SCML4: variants seen among roughly 807,000 people sequenced by gnomAD.
The protein encoded by SCML4 is Scm polycomb group protein like 4.
In SCML4, 34 loss-of-function variants were observed where a neutral mutation model predicts 41.1. The ratio of observed to expected loss-of-function variants is 0.83; its 90% confidence interval spans 0.63 to 1.10. SCML4 has a LOEUF of 1.10. Ranked by LOEUF, SCML4 falls within the 50% of genes least tolerant of loss-of-function variation. SCML4 has a pLI of 0.00. For synonymous variants in SCML4, 214 were observed against 220.9 expected (o/e 0.97, Z 0.28); for missense variants, 522 against 534.1 (o/e 0.98, Z 0.22).
At chr6:107,837,262 G>A in the SCML4 span, among the ~76,000 whole-genome samples, 5 of 152,182 alleles carry the variant, frequency 3.3e-5, no homozygotes, top group African/African-American at 1.2e-4. Context: ...GGTGTTCCAA[G>A]AACATCTTCC....
intron 1 of SCML4, among the ~76,000 whole-genome samples, chr6:107,811,298 CACT>C (rs1402157898): frequency 6.6e-6 from 1 of 152,212 alleles, no homozygotes; most frequent in Non-Finnish European, 1.5e-5. Flanking sequence ...GCCAGATCAC[CACT>C]GTTTCCATCC....
intron 1 of SCML4, among the ~76,000 whole-genome samples, chr6:107,780,038 G>A (rs1318509187): frequency 6.6e-6 from 1 of 152,140 alleles, no homozygotes; most frequent in Non-Finnish European, 1.5e-5. Flanking sequence ...ATGTCACTCT[G>A]CTCCTTACAG....
intron 7 of SCML4, 28 bp downstream of exon 7, chr6:107,707,838 C>A (rs538755361): frequency 1.8e-5 from 28 of 1,551,626 alleles, no homozygotes; most frequent in Non-Finnish European, 1.7e-5. Context: ...CTCAATCCCC[C>A]CCAAGGTCAA....
intron 1 of SCML4, among the ~76,000 whole-genome samples, chr6:107,819,489 C>T (rs1196949535): frequency 6.6e-6 from 1 of 152,150 alleles, no homozygotes; most frequent in Non-Finnish European, 1.5e-5. Context: ...CTAATTTTCT[C>T]ATAACAGCCT....
chr6:107,786,873 A>G (rs1252655409), intron 1 of SCML4, among the ~76,000 whole-genome samples: 5 of 152,246 alleles, frequency 3.3e-5, no homozygotes. Flanking sequence ...AGAGCATCCC[A>G]TGCTGCCAAG....
chr6:107,813,444 A>G (rs1784353558), intron 1 of SCML4, among the ~76,000 whole-genome samples: 1 of 141,334 alleles, frequency 7.1e-6, no homozygotes, highest in East Asian at 2.1e-4. Flanking sequence ...AATTAAATAC[A>G]TATTAAAATA....
At chr6:107,766,386 A>G (rs1391945117) in intron 2 of SCML4, among the ~76,000 whole-genome samples, 2 of 145,886 alleles carry the variant, frequency 1.4e-5, no homozygotes, top group African/African-American at 5.2e-5. Flanking sequence ...AAAAAAAAAA[A>G]GGGTTCAAGG....
chr6:107,730,690 C>T (rs1477945030), intron 5 of SCML4, among the ~76,000 whole-genome samples: 2 of 152,216 alleles, frequency 1.3e-5, no homozygotes, highest in Admixed American at 6.5e-5. Flanking sequence ...CAAGGTTTGG[C>T]GTCCTGGGAG....
At chr6:107,759,146 A>C (rs1192476973) in intron 2 of SCML4, among the ~76,000 whole-genome samples, 2 of 150,914 alleles carry the variant, frequency 1.3e-5, no homozygotes, top group East Asian at 1.9e-4. Context: ...AAAAAAAAAA[A>C]AAAAAAAACC....
intron 2 of SCML4, among the ~76,000 whole-genome samples, chr6:107,768,097 C>G (rs898552882): frequency 6.6e-5 from 3 of 45,660 alleles, no homozygotes; most frequent in Non-Finnish European, 9.4e-5. Context: ...TTCATCTGTA[C>G]AAAAAAAAAA....
At chr6:107,839,028 A>G in the SCML4 span, among the ~76,000 whole-genome samples, 1 of 152,144 alleles carries the variant, frequency 6.6e-6, no homozygotes, top group Non-Finnish European at 1.5e-5. Flanking sequence ...AGCCAGGTGC[A>G]GTGGCTCATG....
At chr6:107,772,466 G>A in intron 1 of SCML4, 80 bp from the exon 2 acceptor site, 1 of 811,658 alleles carries the variant, frequency 1.2e-6, no homozygotes, top group Non-Finnish European at 1.9e-6. Flanking sequence ...ATCCTGTCTG[G>A]TGATTTTGGC....
In SCML4 at chr6:107,761,898, G is replaced by C. The variant is rs143539634; in HGVS notation, c.156+10274C>G. On this transcript the variant is annotated intron_variant, in intron 2 of 7. Transcript: ENST00000369020. ...TCACTACAGGGCCTATATTAGAGGA[G>C]CTTCTTTTCATTTTACTTCAGGCAA... 2.6e-3 allele frequency among the ~76,000 whole-genome samples: 397 copies of C among 151,912 alleles called. 2 individuals carry two copies. The highest frequency in any genetic ancestry group is 9.1e-3 in the African/African-American group (376 of 41,396).
chr6:107,707,677 C>T (rs1026918527), intron 7 of SCML4, among the ~76,000 whole-genome samples, 189 bp downstream of exon 7: 1 of 152,182 alleles, frequency 6.6e-6, no homozygotes, highest in East Asian at 1.9e-4. Flanking sequence ...AGTGGTCACT[C>T]TGCTCTGAGG....
intron 5 of SCML4, among the ~76,000 whole-genome samples, chr6:107,740,427 G>A (rs1238003091): frequency 1.3e-5 from 2 of 152,196 alleles, no homozygotes; most frequent in Non-Finnish European, 2.9e-5. Context: ...AATAGCTTGA[G>A]ATCTGTCCTC....
intron 1 of SCML4, among the ~76,000 whole-genome samples, chr6:107,789,925 C>A (rs968138509): frequency 6.6e-6 from 1 of 152,164 alleles, no homozygotes; most frequent in African/African-American, 2.4e-5. Flanking sequence ...TTATTAAATT[C>A]TCACTACAAG....
intron 6 of SCML4, among the ~76,000 whole-genome samples, chr6:107,709,596 G>T (rs1774039531): frequency 6.6e-6 from 1 of 152,186 alleles, no homozygotes; most frequent in Non-Finnish European, 1.5e-5. Context: ...AACCTAGAAG[G>T]CATTCACCCT....
upstream of SCML4, among the ~76,000 whole-genome samples, chr6:107,826,618 G>A (rs1178164709): frequency 6.6e-6 from 1 of 152,222 alleles, no homozygotes; most frequent in Non-Finnish European, 1.5e-5. Flanking sequence ...CCAGCTCTGT[G>A]AGGGTTTCTC....
intron 1 of SCML4, among the ~76,000 whole-genome samples, chr6:107,813,849 C>T (rs975500285): frequency 1.3e-5 from 2 of 152,186 alleles, no homozygotes; most frequent in African/African-American, 4.8e-5. Flanking sequence ...ACTTGGTGGT[C>T]CACATCCAGG....
Sources: allele counts gnomAD v4.1 joint callset (sites outside exome capture counted in the v4.1 genomes callset), GRCh38; gene constraint gnomAD v4.1.1; transcripts MANE v1.5; gene names NCBI Gene and HGNC (gene_info 2026-07-23, HGNC 2026-07-21).